CORO1C: variants seen among roughly 807,000 people sequenced by gnomAD.
CORO1C encodes coronin 1C.
A neutral mutation model predicts 51.2 loss-of-function variants in CORO1C; 14 were observed. The ratio of observed to expected loss-of-function variants is 0.27; its 90% CI spans 0.18 to 0.43. CORO1C has a LOEUF of 0.43. CORO1C is among the 20% of genes least tolerant of loss of function. The pLI, the probability that CORO1C is intolerant of heterozygous loss-of-function variation, is 1.00. For missense variants in CORO1C, 417 were observed against 607.8 expected, an observed-to-expected ratio of 0.69 and a Z score of 3.30; for synonymous variants, 181 against 210.5, an observed-to-expected ratio of 0.86 and a Z score of 1.21.
intron 1 of CORO1C, among the ~76,000 whole-genome samples, chr12:108,722,328 T>C (rs2136888238): frequency 6.6e-6 from 1 of 152,198 alleles, no homozygotes; most frequent in South Asian, 2.1e-4. Flanking sequence ...GAAAGTGAGC[T>C]TAACCAGGGA....
intron 1 of CORO1C, chr12:108,702,677 T>C (rs1043946894): frequency 2.5e-5 from 28 of 1,105,628 alleles, no homozygotes; most frequent in Non-Finnish European, 3.3e-5. Context: ...TGTCCACTCA[T>C]GCCAGACGAG....
rs144627823 is a variant in CORO1C, at chr12:108,651,352, A to T, written c.1001+920T>A. ...CAGTGGTCACTGAGTCTCAGAGGAT[A>T]TATTTGTTGACTAGCATGAGAAAAA... On this transcript the variant is annotated intron_variant, in intron 8 of 10. Transcript: ENST00000261401. Among the ~76,000 whole-genome samples, 347 of 152,282 alleles carry T rather than the reference A, an allele frequency of 2.3e-3. 2 individuals are homozygous for T. The highest frequency in any genetic ancestry group is 7.8e-3 in the African/African-American group (323 of 41,548).
At chr12:108,710,689 G>A (rs1280497513) in intron 1 of CORO1C, among the ~76,000 whole-genome samples, 2 of 151,454 alleles carry the variant, frequency 1.3e-5, no homozygotes, top group Admixed American at 6.6e-5. Context: ...TCAGCCTCCC[G>A]AGTAGCTGGG....
chr12:108,695,850 C>CT lies in CORO1C; in HGVS notation c.195+5273dup, dbSNP rs1043238963. Reference sequence around the variant, plus strand: ...TGGCTATGTATCACCCTTGGGAGAACTAAAAAAAAAAAAAAAAAAAAAAAA... The same window carrying CT: ...TGGCTATGTATCACCCTTGGGAGAACTTAAAAAAAAAAAAAAAAAAAAAAAA... On this transcript the variant is annotated intron_variant, in intron 2 of 10. Transcript: ENST00000261401. Among the ~76,000 whole-genome samples the CT allele has an allele frequency of 6.5e-4, 26 of 40,208 alleles. No homozygotes were observed. The East Asian group carries it at 0.017, about 27-fold the overall frequency. The allele number at this position is 40,208 out of a possible 152,430, so 26.4% of individuals were successfully genotyped here.
intron 1 of CORO1C, among the ~76,000 whole-genome samples, chr12:108,706,389 T>C (rs1334290988): frequency 1.3e-5 from 2 of 152,052 alleles, no homozygotes; most frequent in African/African-American, 4.8e-5. Flanking sequence ...TTGTCCACCC[T>C]TGCCACTTCT....
At chr12:108,700,715 A>G (rs78620380) in intron 2 of CORO1C, among the ~76,000 whole-genome samples, 2,318 of 152,310 alleles carry the variant, frequency 0.015, 30 homozygotes, top group Non-Finnish European at 0.025. Flanking sequence ...AAAAAAGAGA[A>G]TATTATCTTA....
chr12:108,663,214 G>A (rs1457184060), intron 3 of CORO1C, among the ~76,000 whole-genome samples: 1 of 152,214 alleles, frequency 6.6e-6, no homozygotes, highest in Non-Finnish European at 1.5e-5. Flanking sequence ...CACATGGCTG[G>A]TGAAAATGTA....
chr12:108,699,984 AG>A (rs1361411835), intron 2 of CORO1C, among the ~76,000 whole-genome samples: 2 of 152,208 alleles, frequency 1.3e-5, no homozygotes, highest in Non-Finnish European at 2.9e-5. Context: ...CTGAAACAAA[AG>A]TCCAAGAGAA....
At chr12:108,705,565 A>C (rs1300032919) in intron 1 of CORO1C, among the ~76,000 whole-genome samples, 1 of 152,042 alleles carries the variant, frequency 6.6e-6, no homozygotes, top group Non-Finnish European at 1.5e-5. Context: ...AAAAATACCA[A>C]GTACTCACAA....
Position 108,645,560 on chromosome 12 carries a change from T to C in CORO1C, c.*1843A>G, listed in dbSNP as rs1243853022. 1 of 152,248 alleles carries C rather than the reference T, an allele frequency of 6.6e-6. No individual in the cohort carries two copies. Among genetic ancestry groups the C allele is most frequent in the African/African-American group, 2.4e-5 (1 of 41,464 alleles). The allele number at this position is 152,248 out of a possible 1,614,324, so 9.4% of individuals were successfully genotyped here. A position where few individuals can be genotyped will look rare whatever the true frequency, so the allele number is the denominator to read the frequency against. On this transcript the variant is annotated 3_prime_UTR_variant, in exon 11 of 11. Transcript: ENST00000261401. ...CCATTATTGTTTTCTTTACATCTCATGATCCACTTCAATATTAAACACATA... is the reference window on the plus strand; with the variant it reads ...CCATTATTGTTTTCTTTACATCTCACGATCCACTTCAATATTAAACACATA...
chr12:108,659,093 T>TA (rs1592856549), intron 4 of CORO1C, among the ~76,000 whole-genome samples, 174 bp from the exon 5 acceptor site: 1 of 152,230 alleles, frequency 6.6e-6, no homozygotes, highest in Non-Finnish European at 1.5e-5. Context: ...AGGCCCTACT[T>TA]ACTAACAGCG....
chr12:108,661,965 TC>T (rs1380514718), intron 4 of CORO1C, 63 bp downstream of exon 4: 69 of 1,590,960 alleles, frequency 4.3e-5, no homozygotes, highest in Non-Finnish European at 5.7e-5. Flanking sequence ...CACATTTGCT[TC>T]CCCCCACTCA....
chr12:108,701,119 C>T lies in CORO1C; in HGVS notation c.195+5G>A. 1 of 1,614,066 alleles carries T rather than the reference C, an allele frequency of 6.2e-7. No individual in the cohort carries two copies. Among genetic ancestry groups the T allele is most frequent in the South Asian group, 1.1e-5 (1 of 91,074 alleles). ...TCTACCAGAATGGAAGATCAAATTA[C>T]CTACCTTGTGCAGAGGGAGGACAAG... On this transcript the variant is annotated splice_donor_5th_base_variant and intron_variant, in intron 2 of 10. Coordinates refer to ENST00000261401, the MANE Select transcript of CORO1C (RefSeq NM_014325.4).
intron 3 of CORO1C, among the ~76,000 whole-genome samples, chr12:108,674,738 G>A (rs1480301218): frequency 6.6e-6 from 1 of 152,164 alleles, no homozygotes; most frequent in Non-Finnish European, 1.5e-5. Context: ...GCCTCAAGAT[G>A]TGAGTGAATT....
At chr12:108,656,366 C>T (rs1453794147) in intron 6 of CORO1C, among the ~76,000 whole-genome samples, 2 of 149,792 alleles carry the variant, frequency 1.3e-5, no homozygotes, top group Non-Finnish European at 3.0e-5. Context: ...GCCAGCCGCC[C>T]CGTCCGGGAG....
At chr12:108,721,778 A>C (rs2035479233) in intron 1 of CORO1C, among the ~76,000 whole-genome samples, 1 of 150,412 alleles carries the variant, frequency 6.6e-6, no homozygotes, top group Non-Finnish European at 1.5e-5. Context: ...AGACAGGACG[A>C]GTGCCCAGCT....
At chr12:108,668,874 G>A (rs542594764) in intron 3 of CORO1C, among the ~76,000 whole-genome samples, 1 of 152,142 alleles carries the variant, frequency 6.6e-6, no homozygotes, top group Non-Finnish European at 1.5e-5. Context: ...TTTTCTTGGA[G>A]CTAATATTTC....
intron 1 of CORO1C, among the ~76,000 whole-genome samples, chr12:108,715,235 T>TA (rs1469587780): frequency 6.6e-6 from 1 of 151,766 alleles, no homozygotes; most frequent in Non-Finnish European, 1.5e-5. Flanking sequence ...CTGTGTCTCT[T>TA]AAAAAAACAA....
At chr12:108,713,195 G>C (rs1275055000) in intron 1 of CORO1C, among the ~76,000 whole-genome samples, 1 of 152,126 alleles carries the variant, frequency 6.6e-6, no homozygotes, top group Non-Finnish European at 1.5e-5. Flanking sequence ...ATACACAACA[G>C]ATCTCCTCAT....
Sources: allele counts gnomAD v4.1 joint callset (sites outside exome capture counted in the v4.1 genomes callset), GRCh38; gene constraint gnomAD v4.1.1; transcripts MANE v1.5; gene names NCBI Gene and HGNC (gene_info 2026-07-23, HGNC 2026-07-21).